The following CASS4 variants were observed in gnomAD, a reference collection of about 807,000 sequenced individuals.
CASS4 encodes the protein Cas scaffold protein family member 4.
A neutral mutation model predicts 54.2 loss-of-function variants in CASS4; 22 were observed. The ratio of observed to expected loss-of-function variants is 0.41; its 90% confidence interval spans 0.29 to 0.58. The LOEUF is 0.58. CASS4 is among the 20% of genes least tolerant of loss of function. The pLI is 0.36. For missense variants in CASS4, 854 were observed against 986.7 expected, an observed-to-expected ratio of 0.87 and a Z score of 1.80; for synonymous variants, 409 against 391.5, an observed-to-expected ratio of 1.04 and a Z score of -0.53.
chr20:56,450,273 C>T (rs774768631), intron 3 of CASS4, among the ~76,000 whole-genome samples: 1 of 152,230 alleles, frequency 6.6e-6, no homozygotes, highest in African/African-American at 2.4e-5. Flanking sequence ...ATCCTCCTGC[C>T]TCAGCCTCCC....
intron 4 of CASS4, 25 bp from the exon 5 acceptor site, chr20:56,451,794 G>A (rs1472367911): frequency 1.9e-6 from 3 of 1,572,688 alleles, no homozygotes; most frequent in Non-Finnish European, 2.6e-6. Context: ...TACTAACCCG[G>A]CAACTATGTG....
chr20:56,436,745 G>C (rs890198646), intron 1 of CASS4, among the ~76,000 whole-genome samples: 3 of 152,018 alleles, frequency 2.0e-5, no homozygotes, highest in Admixed American at 2.0e-4. Context: ...AATTTAGCCC[G>C]GGGTGGCGGC....
intron 1 of CASS4, among the ~76,000 whole-genome samples, chr20:56,419,462 C>T (rs1200278968): frequency 6.6e-6 from 1 of 152,042 alleles, no homozygotes; most frequent in African/African-American, 2.4e-5. Context: ...CCCCACACCA[C>T]CCCCGCTCAG....
intron 4 of CASS4, 54 bp downstream of exon 4, chr20:56,450,733 A>T: frequency 6.4e-7 from 1 of 1,557,830 alleles, no homozygotes; most frequent in Non-Finnish European, 8.8e-7. Context: ...AAATCCTCTC[A>T]GAAATGTTAT....
chr20:56,434,106 G>A (rs1158228914), intron 1 of CASS4, among the ~76,000 whole-genome samples: 13 of 152,168 alleles, frequency 8.5e-5, no homozygotes, highest in Non-Finnish European at 4.4e-5. Context: ...AGGGTACAAG[G>A]AACTGTGCAG....
At chr20:56,457,449 T>C (rs974739907) in intron 5 of CASS4, among the ~76,000 whole-genome samples, 2 of 152,168 alleles carry the variant, frequency 1.3e-5, no homozygotes, top group East Asian at 1.9e-4. Flanking sequence ...TTGGGAGAAG[T>C]TGGTTCCATT....
chr20:56,442,509 C>T (rs1244688437), intron 2 of CASS4, among the ~76,000 whole-genome samples: 1 of 151,742 alleles, frequency 6.6e-6, no homozygotes, highest in Non-Finnish European at 1.5e-5. Context: ...TACGTTACAG[C>T]TCTGTAACTT....
intron 1 of CASS4, among the ~76,000 whole-genome samples, chr20:56,418,389 G>A (rs144553429): frequency 1.9e-3 from 287 of 152,312 alleles, no homozygotes; most frequent in Middle Eastern, 0.014. Flanking sequence ...GGTGTAAGCA[G>A]GATAACATAG....
In CASS4 at chr20:56,437,182, C is replaced by A. The variant is rs1377070023; in HGVS notation, c.55C>A (p.Leu19Ile). The A allele has an allele frequency of 1.9e-6, 3 of 1,565,714 alleles. No individual in the cohort carries two copies. Among genetic ancestry groups the A allele is most frequent in the Admixed American group, 3.6e-5 (2 of 55,018 alleles). Reference protein sequence around the residue: ...CAPKALLARALYDNCPDCSDE... With the variant: ...CAPKALLARAIYDNCPDCSDE... ...CCCACAGGCACTCCTGGCCAGGGCACTTTATGACAACTGCCCTGACTGCTC... is the reference window on the plus strand; with the variant it reads ...CCCACAGGCACTCCTGGCCAGGGCAATTTATGACAACTGCCCTGACTGCTC... The change falls in exon 2 of 6, where the codon CTT (leucine) becomes ATT (isoleucine). Residue 19 changes from leucine (L) to isoleucine (I), a missense_variant. Transcript: ENST00000679887. This position sits in a 1 kb window ranked among gnomAD's most constrained non-coding sequence, Gnocchi z 4.7.
intron 2 of CASS4, among the ~76,000 whole-genome samples, chr20:56,443,505 C>G (rs1205006213): frequency 7.0e-6 from 1 of 143,296 alleles, no homozygotes; most frequent in Non-Finnish European, 1.5e-5. Flanking sequence ...ATTCAAAATG[C>G]AATGGGAAAC....
At chr20:56,454,782 C>T (rs1981207897) in intron 5 of CASS4, among the ~76,000 whole-genome samples, 1 of 152,336 alleles carries the variant, frequency 6.6e-6, no homozygotes, top group Non-Finnish European at 1.5e-5. Flanking sequence ...TTCATACGCT[C>T]TATTGCTAGA....
At chr20:56,433,924 C>T (rs1980033069) in intron 1 of CASS4, among the ~76,000 whole-genome samples, 1 of 152,142 alleles carries the variant, frequency 6.6e-6, no homozygotes, top group Non-Finnish European at 1.5e-5. Context: ...TGACACATCC[C>T]CCGGGTTGCC....
chr20:56,451,680 G>T, intron 4 of CASS4, 139 bp from the exon 5 acceptor site: 1 of 665,038 alleles, frequency 1.5e-6, no homozygotes. Flanking sequence ...AGGCTCAAAA[G>T]AATCCTGAAG....
rs138177487 is a variant in CASS4, at chr20:56,438,989, T to G, written c.459+1403T>G. Reference sequence around the variant, plus strand: ...AGTTACCCCAAGGAAGGGGAACTGGTTAAAGAGAAAGGGAGCAGTAAGCTG... The same window carrying G: ...AGTTACCCCAAGGAAGGGGAACTGGGTAAAGAGAAAGGGAGCAGTAAGCTG... On this transcript the variant is annotated intron_variant, in intron 2 of 5. Transcript: ENST00000679887. 2.5e-4 allele frequency among the ~76,000 whole-genome samples: 38 copies of G among 152,338 alleles called. No individual in the cohort carries two copies. In the East Asian group the frequency reaches 6.8e-3, roughly 27 times the overall value.
intron 1 of CASS4, among the ~76,000 whole-genome samples, chr20:56,420,209 TATC>T (rs1276542055): frequency 6.6e-6 from 1 of 152,222 alleles, no homozygotes; most frequent in Non-Finnish European, 1.5e-5. Flanking sequence ...TGCTTCACCT[TATC>T]ATCAAGAGCA....
Position 56,458,624 on chromosome 20 carries a change from C to T in CASS4, c.2238C>T (p.Asp746=). ...GSSHLCSLLK[D]VALATKNAVL... ...GTCACCTCTGCAGCCTGCTCAAGGA[C>T]GTAGCGCTGGCCACTAAGAATGCCG... The change falls in exon 6 of 6, where the codon GAC becomes GAT. Residue 746 remains aspartate (D), a synonymous_variant. Coordinates refer to ENST00000679887, the MANE Select transcript of CASS4 (RefSeq NM_020356.4). 2 of 1,613,906 alleles carry T rather than the reference C, an allele frequency of 1.2e-6. No homozygotes were observed. Among genetic ancestry groups the T allele is most frequent in the Non-Finnish European group, 1.7e-6 (2 of 1,179,978 alleles).
chr20:56,440,465 C>G (rs1980402907), intron 2 of CASS4, among the ~76,000 whole-genome samples: 1 of 152,162 alleles, frequency 6.6e-6, no homozygotes, highest in African/African-American at 2.4e-5. Context: ...CCTCGAAGAC[C>G]ACTTCACAAT....
At chr20:56,449,401 A>G (rs1980884672) in intron 3 of CASS4, among the ~76,000 whole-genome samples, 1 of 151,662 alleles carries the variant, frequency 6.6e-6, no homozygotes, top group Non-Finnish European at 1.5e-5. Context: ...CAGGTGGGAA[A>G]TGAACAATGA....
chr20:56,446,253 A>G (rs1023142558), intron 3 of CASS4, among the ~76,000 whole-genome samples: 1 of 152,060 alleles, frequency 6.6e-6, no homozygotes, highest in Non-Finnish European at 1.5e-5. Context: ...TTTATAATAG[A>G]TTGTTTTTTC....
Sources: allele counts gnomAD v4.1 joint callset (sites outside exome capture counted in the v4.1 genomes callset), GRCh38; gene constraint gnomAD v4.1.1; non-coding constraint Gnocchi (gnomAD v3.1); transcripts MANE v1.5; gene names NCBI Gene and HGNC (gene_info 2026-07-23, HGNC 2026-07-21).